The following EZR variants were observed in gnomAD, a reference collection of about 807,000 sequenced individuals.
EZR encodes ezrin.
In EZR, 40 loss-of-function variants were observed where a neutral mutation model predicts 74.8. The observed-to-expected ratio is 0.53, with a 90% confidence interval of 0.42 to 0.70. EZR has a LOEUF of 0.70. EZR is among the 30% of genes least tolerant of loss of function. The pLI is 0.00. For missense variants in EZR, 678 were observed against 755.8 expected, an observed-to-expected ratio of 0.90 and a Z score of 1.21; for synonymous variants, 341 against 283.3, an observed-to-expected ratio of 1.20 and a Z score of -2.05.
chr6:158,789,455 C>T, intron 2 of EZR, 84 bp from the exon 3 acceptor site: 1 of 1,262,174 alleles, frequency 7.9e-7, no homozygotes, highest in South Asian at 1.2e-5. Flanking sequence ...ATAAGCTGCT[C>T]CTCAGTGTGG....
At chr6:158,768,790 A>G (rs1370492783) in intron 12 of EZR, among the ~76,000 whole-genome samples, 1 of 152,168 alleles carries the variant, frequency 6.6e-6, no homozygotes, top group Non-Finnish European at 1.5e-5. Flanking sequence ...CCATTCTACA[A>G]TGAGGAAAAT....
At chr6:158,794,071 G>A (rs114009403) in intron 2 of EZR, among the ~76,000 whole-genome samples, 1,879 of 152,302 alleles carry the variant, frequency 0.012, 27 homozygotes, top group African/African-American at 0.043. Flanking sequence ...GAGGTCAGGC[G>A]TTCGAGACCG....
rs981229492 is a variant in EZR, at chr6:158,810,596, C to T, written c.12+7486G>A. Among the ~76,000 whole-genome samples, 6 of 152,252 alleles carry T rather than the reference C, an allele frequency of 3.9e-5. No individual in the cohort carries two copies. The South Asian group carries it at 8.3e-4, about 21-fold the overall frequency. On this transcript the variant is annotated intron_variant, in intron 2 of 13. Transcript: ENST00000367075. ...ACCCATGTGACTGATAAGGGAATTCCGACTAGAACACACAGAGAGAGGATG... is the reference window on the plus strand; with the variant it reads ...ACCCATGTGACTGATAAGGGAATTCTGACTAGAACACACAGAGAGAGGATG...
chr6:158,806,860 A>G (rs1436440079), intron 2 of EZR, among the ~76,000 whole-genome samples: 1 of 152,218 alleles, frequency 6.6e-6, no homozygotes, highest in Non-Finnish European at 1.5e-5. Context: ...ACATCCCAGC[A>G]GCCAACACCC....
intron 2 of EZR, among the ~76,000 whole-genome samples, chr6:158,799,657 C>G (rs548627016): frequency 2.6e-5 from 4 of 152,380 alleles, no homozygotes; most frequent in East Asian, 3.9e-4. Flanking sequence ...TCGTTTTCCA[C>G]AAATGCTGGC....
intron 2 of EZR, among the ~76,000 whole-genome samples, chr6:158,810,440 T>C (rs572118374): frequency 6.6e-5 from 10 of 152,348 alleles, no homozygotes; most frequent in South Asian, 2.1e-4. Flanking sequence ...CTACACTGCA[T>C]TGTAATTGCT....
intron 1 of EZR, 53 bp from the exon 2 acceptor site, chr6:158,818,219 T>A: frequency 1.9e-6 from 2 of 1,043,302 alleles, no homozygotes; most frequent in Admixed American, 2.5e-5. Flanking sequence ...CTCGTCCTCC[T>A]GCCGCGCCCG....
chr6:158,770,268 C>T (rs1791061104), intron 10 of EZR, among the ~76,000 whole-genome samples: 1 of 152,238 alleles, frequency 6.6e-6, no homozygotes, highest in African/African-American at 2.4e-5. Flanking sequence ...GAACACAGAA[C>T]ACCCTTCCCA....
chr6:158,767,122 TGGCCC>T, intron 13 of EZR, 44 bp from the exon 14 acceptor site: 8 of 1,609,080 alleles, frequency 5.0e-6, no homozygotes, highest in Admixed American at 1.7e-5. Context: ...CCTCCCCATA[TGGCCC>T]GGCCCGTCCC....
chr6:158,805,972 A>T (rs1333481350), intron 2 of EZR, among the ~76,000 whole-genome samples: 1 of 152,242 alleles, frequency 6.6e-6, no homozygotes, highest in Non-Finnish European at 1.5e-5. Flanking sequence ...AAGTCTGAGA[A>T]AATCGCTATT....
intron 7 of EZR, among the ~76,000 whole-genome samples, chr6:158,777,939 A>AC (rs1791326623): frequency 6.6e-6 from 1 of 152,106 alleles, no homozygotes; most frequent in Admixed American, 6.5e-5. Flanking sequence ...TGGCATTCAA[A>AC]CAGACATGCA....
chr6:158,789,082 C>T (rs965825279), intron 3 of EZR, among the ~76,000 whole-genome samples: 1 of 152,368 alleles, frequency 6.6e-6, no homozygotes, highest in East Asian at 1.9e-4. Flanking sequence ...TGCTTTCATA[C>T]ACCTCACTTC....
chr6:158,781,208 G>C (rs744893), intron 7 of EZR, among the ~76,000 whole-genome samples: 28,477 of 152,130 alleles, frequency 0.19, 3,031 homozygotes, highest in South Asian at 0.28. Context: ...CTGCTACCAA[G>C]TTGTCAATAT....
At chr6:158,808,609 A>G (rs1005251660) in intron 2 of EZR, among the ~76,000 whole-genome samples, 2 of 152,242 alleles carry the variant, frequency 1.3e-5, no homozygotes, top group Admixed American at 6.5e-5. Flanking sequence ...AGGGCCAGGC[A>G]TAAGGCCAGG....
In EZR at chr6:158,767,456, C is replaced by G. The variant is rs768114763; in HGVS notation, c.1401G>C (p.Met467Ile). 9 of 1,612,026 alleles carry G rather than the reference C, an allele frequency of 5.6e-6. No homozygotes were observed. Among genetic ancestry groups the G allele is most frequent in the Admixed American group, 3.3e-5 (2 of 59,858 alleles). Residue 467 changes from methionine (M) to isoleucine (I), a missense_variant, in exon 13 of 14, where the codon ATG (methionine) becomes ATC (isoleucine). Transcript: ENST00000367075. Reference protein sequence around the residue: ...VKTKEELHLVMTAPPPPPPPV... With the variant: ...VKTKEELHLVITAPPPPPPPV... ...GGGGTGGTGGGGGCGGGGGTGCTGT[C>G]ATCACCAGGTGCAGCTCCTCCTTGG...
At chr6:158,800,669 G>T (rs888638730) in intron 2 of EZR, among the ~76,000 whole-genome samples, 2 of 152,140 alleles carry the variant, frequency 1.3e-5, no homozygotes, top group Admixed American at 1.3e-4. Context: ...GGGTGTGGTG[G>T]TGCACATTGG....
rs749054470 is a variant in EZR at position 158,780,534 on chromosome 6, GAA to G, written c.698+2984_698+2985del. ...AGTACCTATCCGCAAGGAATTTAAA[GAA>G]GAGACATGTTCTGTGGCTCCTGTTT... On this transcript the variant is annotated intron_variant, in intron 7 of 13. Coordinates refer to ENST00000367075, the MANE Select transcript of EZR (RefSeq NM_001111077.2). Among the ~76,000 whole-genome samples, 18 of 152,288 alleles carry G rather than the reference GAA, an allele frequency of 1.2e-4. No homozygotes were observed. In the East Asian group the frequency reaches 3.3e-3, roughly 28 times the overall value.
chr6:158,767,389 G>A lies in EZR; in HGVS notation c.1468C>T (p.Gln490Ter). 6.2e-7 allele frequency: 1 copy of A among 1,613,722 alleles called. No individual in the cohort carries two copies. The highest frequency in any genetic ancestry group is 8.5e-7 in the Non-Finnish European group (1 of 1,179,932). Residue 490 changes from glutamine (Q) to a stop codon, truncating the protein, a stop_gained, in exon 13 of 14, where the codon CAG becomes TAG. Transcript: ENST00000367075. LOFTEE classifies it high-confidence loss of function. ...CCCGTGGGCTCTGCGCCCTCATCCT[G>A]CAAGCTCTCCTGGACATGGTAGCTC... ...PVSYHVQESL[Q>*]DEGAEPTGYS... is the part of the protein sequence containing the mutation.
At chr6:158,796,946 T>C (rs1430691172) in intron 2 of EZR, among the ~76,000 whole-genome samples, 1 of 152,236 alleles carries the variant, frequency 6.6e-6, no homozygotes, top group Non-Finnish European at 1.5e-5. Flanking sequence ...GTGTAAGGAA[T>C]GAAAAAGGTA....
Sources: allele counts gnomAD v4.1 joint callset (sites outside exome capture counted in the v4.1 genomes callset), GRCh38; gene constraint gnomAD v4.1.1; transcripts MANE v1.5; gene names NCBI Gene and HGNC (gene_info 2026-07-23, HGNC 2026-07-21).